The following SATB2 variants were observed in gnomAD, a reference collection of about 807,000 sequenced individuals.
The protein encoded by SATB2 is SATB homeobox 2, also known as DNA-binding protein SATB2.
Under a neutral mutation model 73.4 loss-of-function variants are expected in SATB2, and 1 was observed. The ratio of observed to expected loss-of-function variants is 0.01; its 90% confidence interval spans 0.00 to 0.06. The LOEUF (loss-of-function observed/expected upper bound fraction) is 0.06, where lower values mean the gene tolerates loss of function less well. SATB2 is among the 10% of genes least tolerant of loss of function. SATB2 has a pLI of 1.00. For synonymous variants in SATB2, 397 were observed against 367.0 expected (o/e 1.08, Z -0.93); for missense variants, 459 against 945.8 (o/e 0.49, Z 6.75).
At position 199,417,434 on chromosome 2, in the gene SATB2, A is replaced by G. The variant is rs548731351; in HGVS notation, c.346+15904T>C. 5.3e-5 allele frequency among the ~76,000 whole-genome samples: 8 copies of G among 152,338 alleles called. No homozygotes were observed. The South Asian group carries it at 1.7e-3, about 32-fold the overall frequency. Reference sequence around the variant, plus strand: ...CCACAAGTGGAACCACTTGAGAAGAAGAGAAAAGATATGAGCAACTATTTC... The same window carrying G: ...CCACAAGTGGAACCACTTGAGAAGAGGAGAAAAGATATGAGCAACTATTTC... On this transcript the variant is annotated intron_variant, in intron 3 of 10. Coordinates refer to ENST00000417098, the MANE Select transcript of SATB2 (RefSeq NM_001172509.2).
In SATB2 at chr2:199,433,372, C is replaced by A; in HGVS notation, c.312G>T (p.Leu104=). 1 of 1,614,116 alleles carries A rather than the reference C, an allele frequency of 6.2e-7. No individual in the cohort carries two copies. Among genetic ancestry groups the A allele is most frequent in the Non-Finnish European group, 8.5e-7 (1 of 1,180,000 alleles). Residue 104 remains leucine (L), a synonymous_variant, in exon 3 of 11, where the codon CTG becomes CTT. Coordinates refer to ENST00000417098, the MANE Select transcript of SATB2 (RefSeq NM_001172509.2). ...GGGCCGCAGAGCTGTGAGAATACCC[C>A]AGGGCCAGGAGCGCAGTCTCCACCA... ...SQLVETALLA[L]GYSHSSAAQA...
At chr2:199,286,867 G>T (rs1009403499) in intron 10 of SATB2, among the ~76,000 whole-genome samples, 1 of 152,262 alleles carries the variant, frequency 6.6e-6, no homozygotes, top group Non-Finnish European at 1.5e-5. Context: ...TGTGTGACTT[G>T]CTTCATGGGT....
intron 7 of SATB2, among the ~76,000 whole-genome samples, chr2:199,332,451 A>G (rs1420422142): frequency 6.6e-6 from 1 of 152,166 alleles, no homozygotes; most frequent in African/African-American, 2.4e-5. Context: ...ACCAAAGAAT[A>G]CATGAGTTTG....
chr2:199,296,102 G>A (rs1210052571), intron 10 of SATB2, among the ~76,000 whole-genome samples: 2 of 152,172 alleles, frequency 1.3e-5, no homozygotes, highest in Non-Finnish European at 2.9e-5. Context: ...TCAGTGGCTG[G>A]CTTTCTCTTG....
At chr2:199,336,564 C>T (rs934548257) in intron 7 of SATB2, among the ~76,000 whole-genome samples, 2 of 152,178 alleles carry the variant, frequency 1.3e-5, no homozygotes, top group Non-Finnish European at 2.9e-5. Context: ...AACACTTGAG[C>T]TGACTTTTTC....
rs1190569501 is a variant in SATB2 at position 199,464,520 on chromosome 2, A to G, written c.-141+316T>C. The stretch of plus-strand genomic sequence containing the variant: ...TGTAAATTCACCTGGTGCCCACCCA[A>G]TTGCAAAGCTCCCAGACCCACACAA... On this transcript the variant is annotated intron_variant, in intron 1 of 11. Transcript: ENST00000260926. The surrounding 1 kb of genome is among the most constrained non-coding windows in gnomAD (Gnocchi z 6.6). Among the ~76,000 whole-genome samples the G allele has an allele frequency of 1.3e-5, 2 of 152,082 alleles. No individual in the cohort carries two copies. The highest frequency in any genetic ancestry group is 6.5e-5 in the Admixed American group (1 of 15,288).
At chr2:199,357,124 G>A (rs1426251890) in intron 6 of SATB2, among the ~76,000 whole-genome samples, 2 of 152,218 alleles carry the variant, frequency 1.3e-5, no homozygotes, top group Non-Finnish European at 2.9e-5. Flanking sequence ...CCAGTTTGGG[G>A]CATGTGGTTA....
chr2:199,418,023 T>C (rs1019540288), intron 3 of SATB2, among the ~76,000 whole-genome samples: 1 of 152,202 alleles, frequency 6.6e-6, no homozygotes, highest in Non-Finnish European at 1.5e-5. Flanking sequence ...ATTGACACAC[T>C]GTATCTGGCT....
At chr2:199,458,508 G>C (rs1369453921), upstream of SATB2, 1 of 376,668 alleles carries the variant, frequency 2.7e-6, no homozygotes, top group African/African-American at 2.2e-5. Flanking sequence ...GCGCAGGCGG[G>C]CACCGGGGCC....
At chr2:199,276,066 A>G (rs1391186510) in intron 10 of SATB2, among the ~76,000 whole-genome samples, 1 of 152,164 alleles carries the variant, frequency 6.6e-6, no homozygotes, top group Non-Finnish European at 1.5e-5. Flanking sequence ...GAACAACATA[A>G]TTTGCTCTCT....
intron 3 of SATB2, among the ~76,000 whole-genome samples, chr2:199,391,299 G>C (rs1009497127): frequency 9.9e-5 from 15 of 151,850 alleles, no homozygotes; most frequent in Admixed American, 8.5e-4. Flanking sequence ...CAGGTGTGGT[G>C]GTGGGCGCCT....
upstream of SATB2, chr2:199,467,543 A>T (rs966617942): frequency 2.0e-5 from 3 of 152,328 alleles, no homozygotes; most frequent in Admixed American, 2.0e-4. Context: ...AAAGGGGAAG[A>T]GGGCTGAGGG....
chr2:199,386,180 T>A (rs1398673915), intron 3 of SATB2, among the ~76,000 whole-genome samples: 1 of 152,198 alleles, frequency 6.6e-6, no homozygotes, highest in Non-Finnish European at 1.5e-5. Context: ...TTTGAGATAG[T>A]TGCATTATAC....
chr2:199,338,292 C>T (rs969495312), intron 7 of SATB2, among the ~76,000 whole-genome samples: 3 of 151,496 alleles, frequency 2.0e-5, no homozygotes, highest in South Asian at 2.1e-4. Context: ...CACTTGAACT[C>T]GGGAGGCAGA....
intron 9 of SATB2, among the ~76,000 whole-genome samples, chr2:199,320,935 T>C (rs146730208): frequency 5.3e-5 from 8 of 151,912 alleles, no homozygotes; most frequent in African/African-American, 1.5e-4. Context: ...CTATGCATAT[T>C]TGAACTCGGC....
At position 199,391,432 on chromosome 2, in the gene SATB2, C is replaced by CAAAAAAA. The variant is rs56190034; in HGVS notation, c.347-9619_347-9613dup. Among the ~76,000 whole-genome samples the CAAAAAAA allele has an allele frequency of 9.0e-4, 88 of 98,020 alleles. 1 individual carries two copies. The highest frequency in any genetic ancestry group is 3.9e-3 in the East Asian group (12 of 3,100). The allele number at this position is 98,020 out of a possible 152,430, so 64.3% of individuals were successfully genotyped here. ...TGGGCGACAGAGCAAGACTCCGTCT[C>CAAAAAAA]AAAAAAAAAAAAAAAAAAAACAAAA... On this transcript the variant is annotated intron_variant, in intron 3 of 10. Coordinates refer to ENST00000417098, the MANE Select transcript of SATB2 (RefSeq NM_001172509.2).
chr2:199,316,342 C>T (rs1444886262), intron 9 of SATB2, among the ~76,000 whole-genome samples: 3 of 151,974 alleles, frequency 2.0e-5, no homozygotes, highest in Non-Finnish European at 4.4e-5. Flanking sequence ...AGCCTAACTA[C>T]AAGGAAGGCT....
At chr2:199,417,393 G>A (rs1292690318) in intron 3 of SATB2, among the ~76,000 whole-genome samples, 2 of 152,138 alleles carry the variant, frequency 1.3e-5, no homozygotes, top group East Asian at 3.9e-4. Flanking sequence ...AGTCCCAGAT[G>A]TGCTTTGAGG....
At chr2:199,435,920 T>C (rs1275684680) in intron 2 of SATB2, among the ~76,000 whole-genome samples, 2 of 152,288 alleles carry the variant, frequency 1.3e-5, no homozygotes, top group Middle Eastern at 3.4e-3. Context: ...CCCAAGGAAG[T>C]AGGTAGATTT....
Sources: gnomAD v4.1 joint callset for allele counts (sites outside exome capture counted in the v4.1 genomes callset) on GRCh38, gnomAD v4.1.1 for gene constraint, Gnocchi (gnomAD v3.1) non-coding constraint, MANE v1.5 for transcripts, NCBI Gene and HGNC (gene_info 2026-07-23, HGNC 2026-07-21) for gene names.